MAGI2: variants seen among roughly 807,000 people sequenced by gnomAD.
MAGI2 encodes membrane associated guanylate kinase, WW and PDZ domain containing 2.
A neutral mutation model predicts 133.3 loss-of-function variants in MAGI2; 35 were observed. That is an observed-to-expected ratio of 0.26 (90% confidence interval 0.20 to 0.35). The LOEUF (loss-of-function observed/expected upper bound fraction) is 0.35, where lower values mean the gene tolerates loss of function less well. Among genes scored for constraint, MAGI2 ranks in the 10% least tolerant of loss-of-function variants. MAGI2 has a pLI of 1.00. For missense variants in MAGI2, 1,636 were observed against 1,863.4 expected (o/e 0.88, Z 2.25); for synonymous variants, 729 against 710.6 (o/e 1.03, Z -0.41).
chr7:78,510,268 G>T (rs1795456311), intron 4 of MAGI2, among the ~76,000 whole-genome samples: 1 of 152,126 alleles, frequency 6.6e-6, no homozygotes, highest in South Asian at 2.1e-4. Flanking sequence ...GTGGGAGGTT[G>T]AACAAGTTAT....
chr7:78,286,457 C>T (rs959067154), intron 9 of MAGI2, among the ~76,000 whole-genome samples: 4 of 151,918 alleles, frequency 2.6e-5, no homozygotes, highest in Non-Finnish European at 4.4e-5. Context: ...TCAATGAAGG[C>T]GTCATAGAAG....
chr7:78,636,735 TTAC>T (rs1323358716), intron 2 of MAGI2, among the ~76,000 whole-genome samples: 1 of 151,960 alleles, frequency 6.6e-6, no homozygotes, highest in Non-Finnish European at 1.5e-5. Flanking sequence ...GAGGCGGGGT[TTAC>T]AGTGAGTCGA....
chr7:78,910,780 T>C (rs1417600131), intron 2 of MAGI2, among the ~76,000 whole-genome samples: 1 of 152,224 alleles, frequency 6.6e-6, no homozygotes, highest in Admixed American at 6.5e-5. Flanking sequence ...TGATAAAATG[T>C]CTCTAGTTCC....
At chr7:78,496,898 A>T (rs1444218800) in intron 5 of MAGI2, among the ~76,000 whole-genome samples, 1 of 152,178 alleles carries the variant, frequency 6.6e-6, no homozygotes, top group Non-Finnish European at 1.5e-5. Context: ...ATACATGACC[A>T]ATAAACCTCT....
intron 6 of MAGI2, among the ~76,000 whole-genome samples, chr7:78,420,232 G>A (rs912088469): frequency 1.3e-5 from 2 of 152,174 alleles, no homozygotes; most frequent in Non-Finnish European, 2.9e-5. Context: ...AGGCTCTTCA[G>A]AGGGCTTAAC....
chr7:79,378,928 A>ATATATGTGTG, intron 1 of MAGI2, among the ~76,000 whole-genome samples: 1 of 27,030 alleles, frequency 3.7e-5, no homozygotes, highest in African/African-American at 1.6e-4. Flanking sequence ...GTGTGTGTGT[A>ATATATGTGTG]TATATATATA....
chr7:78,657,913 A>G (rs1033147614), intron 2 of MAGI2, among the ~76,000 whole-genome samples: 6 of 152,186 alleles, frequency 3.9e-5, no homozygotes, highest in East Asian at 1.9e-4. Context: ...TGGAGGGTAT[A>G]TAAGAAATCT....
At chr7:79,011,194 G>A (rs566153419) in intron 1 of MAGI2, 1 of 152,208 alleles carries the variant, frequency 6.6e-6, no homozygotes, top group African/African-American at 2.4e-5. Context: ...AAGTCCCAAC[G>A]TTCAAAACTG....
chr7:78,204,230 C>T (rs919838653), intron 10 of MAGI2, among the ~76,000 whole-genome samples: 1 of 152,108 alleles, frequency 6.6e-6, no homozygotes, highest in Non-Finnish European at 1.5e-5. Context: ...TTAAAAACTG[C>T]TTGCTAAATT....
intron 9 of MAGI2, among the ~76,000 whole-genome samples, chr7:78,282,304 A>T (rs1212688061): frequency 1.3e-5 from 2 of 152,132 alleles, no homozygotes; most frequent in South Asian, 2.1e-4. Context: ...AAGGCCATTG[A>T]AGTGATACTG....
chr7:78,229,496 C>A (rs1584480500), intron 10 of MAGI2, among the ~76,000 whole-genome samples: 1 of 152,120 alleles, frequency 6.6e-6, no homozygotes, highest in Non-Finnish European at 1.5e-5. Context: ...ATACTGGGCT[C>A]TGTGTGGATT....
In MAGI2 at chr7:79,071,623, G is replaced by A. The variant is rs978652269; in HGVS notation, c.302-64417C>T. ...CTATAAGTCCCTGACTGGGCTTCCT[G>A]CAATTTTTTTTTTTTTTTTCCAGAG... On this transcript the variant is annotated intron_variant, in intron 1 of 21. Coordinates refer to ENST00000354212, the MANE Select transcript of MAGI2 (RefSeq NM_012301.4). 3.4e-5 allele frequency among the ~76,000 whole-genome samples: 3 copies of A among 89,208 alleles called. No individual in the cohort carries two copies. In the Admixed American group the frequency reaches 3.6e-4, roughly 11 times the overall value. The allele number at this position is 89,208 out of a possible 152,430, so 58.5% of individuals were successfully genotyped here.
intron 2 of MAGI2, among the ~76,000 whole-genome samples, chr7:79,002,010 T>C (rs1326412659): frequency 6.6e-6 from 1 of 152,176 alleles, no homozygotes; most frequent in African/African-American, 2.4e-5. Context: ...ATGACAACGG[T>C]TTTGTCTCAT....
intron 6 of MAGI2, among the ~76,000 whole-genome samples, chr7:78,461,393 C>CGCGTGTGT (rs1789983398): frequency 7.2e-6 from 1 of 138,018 alleles, no homozygotes; most frequent in Non-Finnish European, 1.6e-5. Context: ...CGTGTGTGTG[C>CGCGTGTGT]GTGTGTGTGT....
Position 79,453,396 on chromosome 7 carries a change from G to C in MAGI2, c.-76C>G. ...CTGGTGGTGAGAGAATGAGGATGGA[G>C]GAGCAAGGGGGCCCAGGGGGAAGAA... is the stretch of plus-strand genomic sequence containing the variant. On this transcript the variant is annotated 5_prime_UTR_variant, in exon 1 of 22. Transcript: ENST00000354212. The C allele has an allele frequency of 6.6e-7, 1 of 1,518,800 alleles. No homozygotes were observed. The highest frequency in any genetic ancestry group is 8.8e-7 in the Non-Finnish European group (1 of 1,138,248). 94.1% of individuals were successfully genotyped at this position (1,518,800 alleles called of 1,614,324 possible).
At chr7:79,026,445 G>A (rs1352426888) in intron 1 of MAGI2, among the ~76,000 whole-genome samples, 4 of 152,242 alleles carry the variant, frequency 2.6e-5, no homozygotes, top group Non-Finnish European at 4.4e-5. Flanking sequence ...TCACGTAGAA[G>A]CAAGAGTGTG....
chr7:78,580,625 C>T (rs746381446), intron 3 of MAGI2, among the ~76,000 whole-genome samples: 1 of 152,112 alleles, frequency 6.6e-6, no homozygotes, highest in Non-Finnish European at 1.5e-5. Flanking sequence ...CATAGCCAGC[C>T]AAACCTAGTT....
intron 10 of MAGI2, chr7:78,252,367 ACATTTATGCTAATT>A (rs1792490359): frequency 6.6e-6 from 1 of 152,022 alleles, no homozygotes; most frequent in Non-Finnish European, 1.5e-5. Flanking sequence ...ATAAACCTCC[ACATTTATGCTAATT>A]CATTTTTGAC....
chr7:78,404,562 A>G (rs1187427151), intron 6 of MAGI2, among the ~76,000 whole-genome samples: 2 of 151,854 alleles, frequency 1.3e-5, no homozygotes, highest in Non-Finnish European at 2.9e-5. Context: ...AAAAGAAGAA[A>G]TGGGGAAAGG....
Sources: allele counts gnomAD v4.1 joint callset (sites outside exome capture counted in the v4.1 genomes callset), GRCh38; gene constraint gnomAD v4.1.1; transcripts MANE v1.5; gene names NCBI Gene and HGNC (gene_info 2026-07-23, HGNC 2026-07-21).